PAM: variants seen among roughly 807,000 people sequenced by gnomAD.
PAM encodes peptidyl-glycine alpha-amidating monooxygenase.
PAM carries 72 observed loss-of-function variants against 122.1 expected under a neutral mutation model. The observed-to-expected ratio is 0.59, with a 90% confidence interval of 0.49 to 0.72. The LOEUF is 0.72. PAM is among the 30% of genes least tolerant of loss of function. The pLI, the probability that PAM is intolerant of heterozygous loss-of-function variation, is 0.00. For missense variants in PAM, 1,106 were observed against 1,183.7 expected (o/e 0.93, Z 0.96); for synonymous variants, 389 against 404.4 (o/e 0.96, Z 0.46).
At chr5:102,902,729 T>C (rs1027283718) in intron 4 of PAM, among the ~76,000 whole-genome samples, 1 of 151,530 alleles carries the variant, frequency 6.6e-6, no homozygotes, top group African/African-American at 2.4e-5. Flanking sequence ...AATTTTTTTT[T>C]CCTAATTTAT....
At chr5:102,791,484 A>G (rs1358684276) in intron 1 of PAM, among the ~76,000 whole-genome samples, 1 of 151,912 alleles carries the variant, frequency 6.6e-6, no homozygotes, top group Non-Finnish European at 1.5e-5. Flanking sequence ...TTACTTCTAC[A>G]TGTGGTTACT....
Position 102,954,280 on chromosome 5 carries a change from GT to G in PAM, c.905+3468del, listed in dbSNP as rs554536498. The stretch of plus-strand genomic sequence containing the variant: ...CAATGTACACTGTACCCAATATGTA[GT>G]TTTTTTTATCCTTAACCCCCTCCCA... On this transcript the variant is annotated intron_variant, in intron 12 of 25. Transcript: ENST00000438793. Among the ~76,000 whole-genome samples, 963 of 151,556 alleles carry G rather than the reference GT, an allele frequency of 6.4e-3. 9 individuals carry two copies. Among genetic ancestry groups the G allele is most frequent in the African/African-American group, 0.02 (832 of 41,364 alleles).
At chr5:102,791,303 TA>T (rs1761996696) in intron 1 of PAM, among the ~76,000 whole-genome samples, 1 of 152,086 alleles carries the variant, frequency 6.6e-6, no homozygotes, top group Non-Finnish European at 1.5e-5. Flanking sequence ...AATTGTTCTT[TA>T]AAAAAGCCAT....
At chr5:102,778,080 C>T (rs980261752) in intron 1 of PAM, among the ~76,000 whole-genome samples, 1 of 152,046 alleles carries the variant, frequency 6.6e-6, no homozygotes, top group Non-Finnish European at 1.5e-5. Context: ...TCTTGGACCC[C>T]TGTTAGACAG....
chr5:102,807,096 G>C (rs531902017), intron 1 of PAM, among the ~76,000 whole-genome samples: 1 of 152,266 alleles, frequency 6.6e-6, no homozygotes, highest in South Asian at 2.1e-4. Context: ...GATCTGGTAA[G>C]TTACTTGCTT....
In PAM at chr5:103,029,166, C is replaced by CACACTTTATT; in HGVS notation, c.*101_*102insACACTTTATT. 1 of 972,964 alleles carries CACACTTTATT rather than the reference C, an allele frequency of 1.0e-6. No individual in the cohort carries two copies. The highest frequency in any genetic ancestry group is 1.7e-5 in the South Asian group (1 of 58,968). The allele number at this position is 972,964 out of a possible 1,614,324, so 60.3% of individuals were successfully genotyped here. ...TCTGTGTATTTAATTGTAAACTGTA[C>CACACTTTATT]TAGTCTGTGTGGGACTGTACACACT... On this transcript the variant is annotated 3_prime_UTR_variant, in exon 26 of 26. Coordinates refer to ENST00000438793, the MANE Select transcript of PAM (RefSeq NM_001177306.2).
chr5:102,824,925 A>G (rs929366837), intron 1 of PAM, among the ~76,000 whole-genome samples: 4 of 152,246 alleles, frequency 2.6e-5, no homozygotes, highest in Admixed American at 6.5e-5. Context: ...ATTAGGCTTT[A>G]GAGACCCTGC....
intron 1 of PAM, among the ~76,000 whole-genome samples, chr5:102,806,380 T>C (rs1766231880): frequency 1.3e-5 from 2 of 152,194 alleles, no homozygotes; most frequent in South Asian, 4.1e-4. Flanking sequence ...TAGTAACTCA[T>C]ATTCATAGTT....
At chr5:103,026,239 A>C (rs1310438983) in intron 24 of PAM, among the ~76,000 whole-genome samples, 1 of 152,154 alleles carries the variant, frequency 6.6e-6, no homozygotes. Context: ...CCCAGGTCCT[A>C]GAGCAAGTCT....
At chr5:102,930,179 CAT>C (rs1750985876) in intron 7 of PAM, among the ~76,000 whole-genome samples, 1 of 152,128 alleles carries the variant, frequency 6.6e-6, no homozygotes. Context: ...CCATATCAAC[CAT>C]AGTGTCAAGC....
intron 11 of PAM, 65 bp downstream of exon 11, chr5:102,950,043 A>G: frequency 1.2e-6 from 1 of 853,290 alleles, no homozygotes; most frequent in Non-Finnish European, 2.0e-6. Context: ...AATTTTTAAA[A>G]ATTATTATGC....
At position 102,925,018 on chromosome 5, in the gene PAM, G is replaced by T; in HGVS notation, c.418G>T (p.Ala140Ser). The T allele has an allele frequency of 6.3e-7, 1 of 1,584,300 alleles. No individual in the cohort carries two copies. The highest frequency in any genetic ancestry group is 8.7e-7 in the Non-Finnish European group (1 of 1,152,740). Reference sequence around the variant, plus strand: ...TATTCTGTATGCCTGGGCGAGAAATGCTCCCCCTACCCGGCTCCCCAAAGG... The same window carrying T: ...TATTCTGTATGCCTGGGCGAGAAATTCTCCCCCTACCCGGCTCCCCAAAGG... ...ANILYAWARN[A>S]PPTRLPKGVG... is the part of the protein sequence containing the mutation. The change falls in exon 6 of 26, where the codon GCT becomes TCT. Residue 140 changes from alanine (A) to serine (S), a missense_variant. Physicochemically the swap from Ala to Ser is moderately conservative, Grantham distance 99 (BLOSUM62 1). This residue lies in a region of PAM where 670 missense variants were observed against 690.3 expected (regional missense o/e 0.97). Coordinates refer to ENST00000438793, the MANE Select transcript of PAM (RefSeq NM_001177306.2).
At chr5:103,014,252 A>G (rs931447198) in intron 21 of PAM, among the ~76,000 whole-genome samples, 1 of 152,236 alleles carries the variant, frequency 6.6e-6, no homozygotes, top group African/African-American at 2.4e-5. Flanking sequence ...GCAAGAGGCT[A>G]AATGAGCCTT....
At chr5:102,801,236 A>C (rs1180774150) in intron 1 of PAM, among the ~76,000 whole-genome samples, 1 of 152,218 alleles carries the variant, frequency 6.6e-6, no homozygotes, top group African/African-American at 2.4e-5. Flanking sequence ...ATAAAATAAA[A>C]CAGGTTTTCT....
intron 3 of PAM, chr5:102,873,909 T>C (rs1788332004): frequency 6.6e-6 from 1 of 152,198 alleles, no homozygotes; most frequent in South Asian, 2.1e-4. Flanking sequence ...ATGGTGATCT[T>C]CCTATTGAAG....
intron 1 of PAM, among the ~76,000 whole-genome samples, chr5:102,862,123 T>G (rs1241812725): frequency 6.7e-6 from 1 of 149,562 alleles, no homozygotes; most frequent in Non-Finnish European, 1.5e-5. Context: ...TGAGCCAAAA[T>G]TGCGCCACTG....
intron 4 of PAM, among the ~76,000 whole-genome samples, chr5:102,904,247 C>T (rs189007747): frequency 4.1e-4 from 62 of 151,584 alleles, no homozygotes; most frequent in Admixed American, 7.9e-4. Flanking sequence ...ACCCATAATA[C>T]TTTGTTCGTT....
chr5:102,803,235 G>A (rs567909498), intron 1 of PAM, among the ~76,000 whole-genome samples: 2 of 148,300 alleles, frequency 1.3e-5, no homozygotes, highest in Non-Finnish European at 3.0e-5. Flanking sequence ...GGAAGGAAGG[G>A]AAAAGTAATG....
intron 7 of PAM, among the ~76,000 whole-genome samples, chr5:102,927,037 A>T (rs903917622): frequency 6.6e-6 from 1 of 150,684 alleles, no homozygotes; most frequent in Non-Finnish European, 1.5e-5. Context: ...GCTCTGAGCA[A>T]GCCACCGAGA....
Sources: gnomAD v4.1 joint callset for allele counts (sites outside exome capture counted in the v4.1 genomes callset) on GRCh38, gnomAD v4.1.1 for gene constraint, gnomAD v4.1.1 regional missense constraint, MANE v1.5 for transcripts, NCBI Gene and HGNC (gene_info 2026-07-23, HGNC 2026-07-21) for gene names.